Variants in ATP8A1 observed in about 807,000 individuals in gnomAD.
ATP8A1 encodes the protein ATPase phospholipid transporting 8A1, also known as phospholipid-transporting ATPase IA.
ATP8A1 carries 90 observed loss-of-function variants against 177.7 expected under a neutral mutation model. The ratio of observed to expected loss-of-function variants is 0.51; its 90% CI spans 0.43 to 0.60. The LOEUF (loss-of-function observed/expected upper bound fraction) is 0.60, where lower values mean the gene tolerates loss of function less well. Ranked by LOEUF, ATP8A1 falls within the 20% of genes least tolerant of loss-of-function variation. ATP8A1 has a pLI of 0.00. For synonymous variants in ATP8A1, 493 were observed against 485.9 expected, an observed-to-expected ratio of 1.01 and a Z score of -0.19; for missense variants, 1,072 against 1,392.8, an observed-to-expected ratio of 0.77 and a Z score of 3.67.
At chr4:42,454,408 C>T (rs1232121158) in intron 29 of ATP8A1, among the ~76,000 whole-genome samples, 3 of 152,188 alleles carry the variant, frequency 2.0e-5, no homozygotes, top group African/African-American at 7.2e-5. Flanking sequence ...AAGGTTACAT[C>T]TAATTATCAG....
intron 29 of ATP8A1, among the ~76,000 whole-genome samples, chr4:42,452,332 T>C (rs1421458578): frequency 1.3e-5 from 2 of 152,046 alleles, no homozygotes; most frequent in Non-Finnish European, 2.9e-5. Context: ...AAAAAGAAAA[T>C]AAAATTTAAA....
chr4:42,635,795 A>ATATATATATATATC (rs1739261427), intron 1 of ATP8A1, among the ~76,000 whole-genome samples: 1 of 111,576 alleles, frequency 9.0e-6, no homozygotes, highest in Non-Finnish European at 1.8e-5. Context: ...ATATATATAT[A>ATATATATATATATC]TATATATATA....
chr4:42,433,731 TTCTCTGGGG>T (rs1560318353), intron 33 of ATP8A1, among the ~76,000 whole-genome samples: 2 of 152,204 alleles, frequency 1.3e-5, no homozygotes, highest in African/African-American at 2.4e-5. Context: ...CTTTGGACAT[TTCTCTGGGG>T]TGATGAGGAG....
chr4:42,588,584 A>G (rs1733856975), intron 7 of ATP8A1: 2 of 340,602 alleles, frequency 5.9e-6, no homozygotes, highest in Non-Finnish European at 1.1e-5. Flanking sequence ...TCTTCAAGAT[A>G]ATGCAAATGA....
chr4:42,465,762 G>T (rs1386569869), intron 25 of ATP8A1, among the ~76,000 whole-genome samples: 1 of 152,202 alleles, frequency 6.6e-6, no homozygotes, highest in Non-Finnish European at 1.5e-5. Context: ...GCCGGGTGAG[G>T]TGGCTCATGC....
In ATP8A1 at chr4:42,444,566, A is replaced by G. The variant is rs374824679; in HGVS notation, c.3015+12T>C. On this transcript the variant is annotated intron_variant, in intron 32 of 36. Coordinates refer to ENST00000381668, the MANE Select transcript of ATP8A1 (RefSeq NM_006095.2). ...TGTGACATTTCTTGGTTGTGGTTAGATATTTTCTTACCCATGTCCAATATG... is the reference window on the plus strand; with the variant it reads ...TGTGACATTTCTTGGTTGTGGTTAGGTATTTTCTTACCCATGTCCAATATG... 6.3e-5 allele frequency: 101 copies of G among 1,611,986 alleles called. No homozygotes were observed. Among genetic ancestry groups the G allele is most frequent in the Non-Finnish European group, 8.0e-5 (94 of 1,178,448 alleles).
intron 5 of ATP8A1, among the ~76,000 whole-genome samples, chr4:42,609,455 G>A (rs1013477653): frequency 2.6e-5 from 4 of 152,182 alleles, no homozygotes; most frequent in East Asian, 3.9e-4. Flanking sequence ...TTTTTCCTCT[G>A]CTTAATTGAG....
At chr4:42,490,512 C>T (rs1722638508) in intron 24 of ATP8A1, among the ~76,000 whole-genome samples, 1 of 152,184 alleles carries the variant, frequency 6.6e-6, no homozygotes, top group Non-Finnish European at 1.5e-5. Flanking sequence ...CAAACATCGG[C>T]CTGTTTTACT....
At chr4:42,567,309 C>G (rs1435191334) in intron 15 of ATP8A1, among the ~76,000 whole-genome samples, 1 of 152,124 alleles carries the variant, frequency 6.6e-6, no homozygotes, top group African/African-American at 2.4e-5. Flanking sequence ...GAGGCTGAGG[C>G]GGGCGGATAA....
At chr4:42,652,918 CT>C (rs1302018774) in intron 1 of ATP8A1, among the ~76,000 whole-genome samples, 1 of 141,776 alleles carries the variant, frequency 7.1e-6, no homozygotes, top group Non-Finnish European at 1.6e-5. Context: ...ACACAATGAC[CT>C]TTGTGACCTC....
chr4:42,495,362 G>A (rs1260867326), intron 24 of ATP8A1, among the ~76,000 whole-genome samples: 3 of 152,122 alleles, frequency 2.0e-5, no homozygotes, highest in Admixed American at 6.5e-5. Flanking sequence ...TTTCTACAAT[G>A]TGTTATTGAT....
intron 4 of ATP8A1, among the ~76,000 whole-genome samples, chr4:42,623,911 A>G (rs1366157288): frequency 6.6e-6 from 1 of 152,186 alleles, no homozygotes; most frequent in African/African-American, 2.4e-5. Flanking sequence ...AGAACAGGAA[A>G]AAAACCAAAC....
At chr4:42,485,704 T>C (rs761087501) in intron 24 of ATP8A1, 36 bp from the exon 25 acceptor site, 7 of 1,570,984 alleles carry the variant, frequency 4.5e-6, no homozygotes, top group Non-Finnish European at 5.2e-6. Context: ...CCATCAACAT[T>C]TACTCCCATT....
chr4:42,428,939 C>G (rs1714939854), intron 33 of ATP8A1, among the ~76,000 whole-genome samples: 1 of 152,174 alleles, frequency 6.6e-6, no homozygotes, highest in Non-Finnish European at 1.5e-5. Flanking sequence ...ACCTATCACC[C>G]ATTTTCTAGT....
chr4:42,555,373 T>C (rs1479112582), intron 16 of ATP8A1, among the ~76,000 whole-genome samples: 3 of 150,606 alleles, frequency 2.0e-5, no homozygotes, highest in Admixed American at 6.6e-5. Context: ...ATTGTTAATA[T>C]TGAATTGTAT....
intron 33 of ATP8A1, among the ~76,000 whole-genome samples, 183 bp from the exon 34 acceptor site, chr4:42,423,888 A>C (rs1353478572): frequency 1.3e-5 from 2 of 152,234 alleles, no homozygotes; most frequent in Non-Finnish European, 2.9e-5. Flanking sequence ...AGCAAATTTA[A>C]AATATACTCT....
intron 1 of ATP8A1, among the ~76,000 whole-genome samples, chr4:42,641,333 G>GA: frequency 1.3e-5 from 2 of 152,194 alleles, no homozygotes; most frequent in Non-Finnish European, 2.9e-5. Context: ...TTCTTATCAA[G>GA]AAAAAATCTG....
intron 15 of ATP8A1, among the ~76,000 whole-genome samples, chr4:42,568,559 TCATAAAATAGTGAAATTAAACC>T (rs1396805644): frequency 1.4e-4 from 21 of 152,122 alleles, no homozygotes; most frequent in Non-Finnish European, 2.4e-4. Context: ...AACAAAAAAC[TCATAAAATAGTGAAATTAAACC>T]CATAAAACGC....
chr4:42,447,697 A>C (rs1420381988), intron 30 of ATP8A1, among the ~76,000 whole-genome samples: 1 of 152,242 alleles, frequency 6.6e-6, no homozygotes, highest in Non-Finnish European at 1.5e-5. Flanking sequence ...GTATTAGAAT[A>C]AAGTATGGGA....
Sources: allele counts gnomAD v4.1 joint callset (sites outside exome capture counted in the v4.1 genomes callset), GRCh38; gene constraint gnomAD v4.1.1; transcripts MANE v1.5; gene names NCBI Gene and HGNC (gene_info 2026-07-23, HGNC 2026-07-21).